Variants in CORO2B observed in about 807,000 individuals in gnomAD.
The protein encoded by CORO2B is coronin-2B.
A neutral mutation model predicts 58.8 loss-of-function variants in CORO2B; 26 were observed. That is an observed-to-expected ratio of 0.44 (90% CI 0.32 to 0.61). CORO2B has a LOEUF of 0.61. CORO2B is among the 20% of genes least tolerant of loss of function. CORO2B has a pLI of 0.04. For missense variants in CORO2B, 460 were observed against 645.1 expected (o/e 0.71, Z 3.11); for synonymous variants, 242 against 253.8 (o/e 0.95, Z 0.44).
the CORO2B span, among the ~76,000 whole-genome samples, chr15:68,531,492 A>G: frequency 5.6e-5 from 8 of 141,868 alleles, no homozygotes; most frequent in African/African-American, 2.1e-4. Context: ...GGGAAACTGT[A>G]TCTCAAAAAA....
chr15:68,522,745 T>C, the CORO2B span, among the ~76,000 whole-genome samples: 1 of 152,236 alleles, frequency 6.6e-6, no homozygotes, highest in African/African-American at 2.4e-5. Context: ...GCAAAATTCT[T>C]CATCTTGTTA....
At chr15:68,535,450 T>C in the CORO2B span, among the ~76,000 whole-genome samples, 1 of 152,220 alleles carries the variant, frequency 6.6e-6, no homozygotes, top group East Asian at 1.9e-4. Context: ...ACAGAGTTGC[T>C]GGGGTGGTTA....
chr15:68,630,109 G>A (rs1162488654), intron 1 of CORO2B, among the ~76,000 whole-genome samples: 3 of 152,132 alleles, frequency 2.0e-5, no homozygotes, highest in Non-Finnish European at 4.4e-5. Context: ...CCATTACCTC[G>A]TTTTCCTCTC....
intron 1 of CORO2B, among the ~76,000 whole-genome samples, chr15:68,639,249 G>T (rs1901130654): frequency 6.6e-6 from 1 of 152,188 alleles, no homozygotes; most frequent in Non-Finnish European, 1.5e-5. Flanking sequence ...TCACTATGAG[G>T]CTCAGCTATA....
rs148795188 is a variant in CORO2B at position 68,687,007 on chromosome 15, C to T, written c.217-8133C>T. Among the ~76,000 whole-genome samples, 54 of 152,320 alleles carry T rather than the reference C, an allele frequency of 3.5e-4. No individual in the cohort carries two copies. In the East Asian group the frequency reaches 8.1e-3, roughly 23 times the overall value. On this transcript the variant is annotated intron_variant, in intron 2 of 11. Transcript: ENST00000261861. ...TTGGTTATCACTATTGTCTTCTTCACAGTTGTTCTGGCATTGCCATCTCAC... is the reference window on the plus strand; with the variant it reads ...TTGGTTATCACTATTGTCTTCTTCATAGTTGTTCTGGCATTGCCATCTCAC...
chr15:68,535,784 A>G, the CORO2B span, among the ~76,000 whole-genome samples: 1 of 152,190 alleles, frequency 6.6e-6, no homozygotes, highest in Admixed American at 6.5e-5. Context: ...TCAAGAACTC[A>G]GGTTATTTAA....
intron 1 of CORO2B, among the ~76,000 whole-genome samples, chr15:68,597,116 T>C (rs1368042726): frequency 3.3e-5 from 5 of 151,756 alleles, no homozygotes; most frequent in African/African-American, 1.2e-4. Context: ...GGTGGCCTGC[T>C]CATTTCAAAT....
intron 5 of CORO2B, among the ~76,000 whole-genome samples, chr15:68,713,022 C>T (rs1414069991): frequency 6.6e-6 from 1 of 152,100 alleles, no homozygotes; most frequent in South Asian, 2.1e-4. Context: ...ATGTGCACTG[C>T]CCCATTGGCC....
chr15:68,587,980 T>C (rs1403871183), intron 1 of CORO2B, among the ~76,000 whole-genome samples: 1 of 152,232 alleles, frequency 6.6e-6, no homozygotes, highest in African/African-American at 2.4e-5. Context: ...CTGTGTGACC[T>C]TGGGCTAGTC....
chr15:68,708,421 C>T (rs1213548183), intron 3 of CORO2B, among the ~76,000 whole-genome samples: 16 of 138,840 alleles, frequency 1.2e-4, no homozygotes, highest in African/African-American at 3.8e-4. Context: ...AGTGCAGTGA[C>T]GTGATCTCGG....
In CORO2B at chr15:68,691,215, G is replaced by C. The variant is rs1892356042; in HGVS notation, c.217-3925G>C. ...AAGGTGGCGGGCGCCTGTGGTCTCA[G>C]CTACTCGGGAGGCTGAGGCAGGAGA... On this transcript the variant is annotated intron_variant, in intron 2 of 11. Coordinates refer to ENST00000261861, the MANE Select transcript of CORO2B (RefSeq NM_006091.5). Among the ~76,000 whole-genome samples, 9 of 150,484 alleles carry C rather than the reference G, an allele frequency of 6.0e-5. No individual in the cohort carries two copies. The South Asian group carries it at 1.9e-3, about 32-fold the overall frequency.
chr15:68,527,300 A>AT, the CORO2B span, among the ~76,000 whole-genome samples: 40 of 150,744 alleles, frequency 2.7e-4, no homozygotes, highest in Non-Finnish European at 3.1e-4. Flanking sequence ...ATTTTCTTCT[A>AT]TTTTTTTTTC....
At chr15:68,552,085 G>A in the CORO2B span, among the ~76,000 whole-genome samples, 2 of 152,138 alleles carry the variant, frequency 1.3e-5, no homozygotes, top group Non-Finnish European at 2.9e-5. Context: ...TCACAGATAG[G>A]GAAACTGAGG....
intron 2 of CORO2B, among the ~76,000 whole-genome samples, chr15:68,674,833 G>A (rs980353682): frequency 1.5e-4 from 23 of 152,142 alleles, no homozygotes; most frequent in Non-Finnish European, 2.5e-4. Flanking sequence ...CCTGCCTTCA[G>A]GAATATTCTC....
chr15:68,688,962 C>G (rs2140308275), intron 2 of CORO2B, among the ~76,000 whole-genome samples: 1 of 151,302 alleles, frequency 6.6e-6, no homozygotes, highest in East Asian at 2.0e-4. Context: ...GGTTGTATCT[C>G]AAAGACACCC....
chr15:68,584,181 C>T (rs1595951506), intron 1 of CORO2B, among the ~76,000 whole-genome samples: 1 of 152,232 alleles, frequency 6.6e-6, no homozygotes, highest in African/African-American at 2.4e-5. Flanking sequence ...GCCAGGAGAC[C>T]TCTTGCCTTG....
rs140238426 is a variant in CORO2B at position 68,633,763 on chromosome 15, C to T, written c.16-11397C>T. Among the ~76,000 whole-genome samples, 272 of 152,354 alleles carry T rather than the reference C, an allele frequency of 1.8e-3. 1 individual carries two copies. The highest frequency in any genetic ancestry group is 2.6e-3 in the Non-Finnish European group (179 of 68,040). The stretch of plus-strand genomic sequence containing the variant: ...GCTTCCTTTTACTCTAACAGAGATA[C>T]TACAACGGAGCCGGCAGATCGTCCT... On this transcript the variant is annotated intron_variant, in intron 1 of 11. Coordinates refer to ENST00000261861, the MANE Select transcript of CORO2B (RefSeq NM_006091.5).
At chr15:68,694,560 A>G (rs1347021714) in intron 2 of CORO2B, among the ~76,000 whole-genome samples, 2 of 152,196 alleles carry the variant, frequency 1.3e-5, no homozygotes, top group East Asian at 1.9e-4. Context: ...GCTCATTCAT[A>G]TCGTAGAGAG....
chr15:68,623,887 C>T (rs1050258294), intron 1 of CORO2B, among the ~76,000 whole-genome samples: 1 of 152,162 alleles, frequency 6.6e-6, no homozygotes, highest in African/African-American at 2.4e-5. Context: ...TGCAGCTGAG[C>T]GTGGGTCGCA....
Sources: gnomAD v4.1 joint callset for allele counts (sites outside exome capture counted in the v4.1 genomes callset) on GRCh38, gnomAD v4.1.1 for gene constraint, MANE v1.5 for transcripts, NCBI Gene and HGNC (gene_info 2026-07-23, HGNC 2026-07-21) for gene names.